SLC39A13: variants seen among roughly 807,000 people sequenced by gnomAD.
The protein encoded by SLC39A13 is zinc transporter ZIP13.
Under a neutral mutation model 38.7 loss-of-function variants are expected in SLC39A13, and 18 were observed. That is an observed-to-expected ratio of 0.47 (90% CI 0.32 to 0.69). The LOEUF is 0.69. Ranked by LOEUF, SLC39A13 falls within the 30% of genes least tolerant of loss-of-function variation. SLC39A13 has a pLI of 0.03. For missense variants in SLC39A13, 395 were observed against 490.7 expected (o/e 0.80, Z 1.84); for synonymous variants, 212 against 219.1 (o/e 0.97, Z 0.29).
chr11:47,412,079 A>T (rs775929380), intron 3 of SLC39A13, 40 bp downstream of exon 3: 35 of 1,572,212 alleles, frequency 2.2e-5, no homozygotes, highest in Non-Finnish European at 2.9e-5. Context: ...CAGTGCCAGG[A>T]GTGGGGGCCT....
Position 47,415,633 on chromosome 11 carries a change from C to A in SLC39A13, c.*270C>A. 5 of 583,826 alleles carry A rather than the reference C, an allele frequency of 8.6e-6. No individual in the cohort carries two copies. The highest frequency in any genetic ancestry group is 1.6e-5 in the Non-Finnish European group (5 of 319,116). The allele number at this position is 583,826 out of a possible 1,614,324, so 36.2% of individuals were successfully genotyped here. ...TGCTGTGGTTACCTCTCCTTGCCGC[C>A]CTGTCACCTTCACCTCCCGGAGTAA... On this transcript the variant is annotated 3_prime_UTR_variant, in exon 10 of 10. Coordinates refer to ENST00000362021, the MANE Select transcript of SLC39A13 (RefSeq NM_001128225.3).
Position 47,415,265 on chromosome 11 carries a change from C to T in SLC39A13, c.1041-23C>T, listed in dbSNP as rs371833274. 76 of 1,613,712 alleles carry T rather than the reference C, an allele frequency of 4.7e-5. No homozygotes were observed. In the African/African-American group the frequency reaches 4.8e-4, roughly 10 times the overall value. ...CTGCTCCCCCTGCCCATGCCTCCAC[C>T]GTGAGCCGTTCCCTCCCCACAGGCG... On this transcript the variant is annotated intron_variant, in intron 9 of 9. Transcript: ENST00000362021.
chr11:47,410,261 G>C lies in SLC39A13; in HGVS notation c.167G>C (p.Trp56Ser), dbSNP rs747273189. 1 of 1,614,112 alleles carries C rather than the reference G, an allele frequency of 6.2e-7. No homozygotes were observed. Among genetic ancestry groups the C allele is most frequent in the Non-Finnish European group, 8.5e-7 (1 of 1,180,008 alleles). The change falls in exon 2 of 10, where the codon TGG (tryptophan) becomes TCG (serine). Residue 56 changes from tryptophan (W) to serine (S), a missense_variant. By Grantham distance (177) the Trp-to-Ser change is radical. Coordinates refer to ENST00000362021, the MANE Select transcript of SLC39A13 (RefSeq NM_001128225.3). ...CRLDNKESES[W>S]GALLSGERLD... Reference sequence around the variant, plus strand: ...CTGGACAACAAGGAAAGCGAGTCCTGGGGGGCTCTGCTGAGCGGAGAGCGG... The same window carrying C: ...CTGGACAACAAGGAAAGCGAGTCCTCGGGGGCTCTGCTGAGCGGAGAGCGG...
At chr11:47,414,563 C>A in intron 7 of SLC39A13, 88 bp downstream of exon 7, 1 of 1,552,474 alleles carries the variant, frequency 6.4e-7, no homozygotes, top group Non-Finnish European at 8.8e-7. Flanking sequence ...GGGTGTGGGG[C>A]TGGGCCTGTC....
chr11:47,412,495 A>G (rs1171880904), intron 4 of SLC39A13, 28 bp downstream of exon 4: 16 of 1,613,840 alleles, frequency 9.9e-6, no homozygotes, highest in African/African-American at 1.3e-5. Flanking sequence ...GGGCCTGGAT[A>G]TATCAGCCTC....
chr11:47,413,303 G>T, intron 4 of SLC39A13, 97 bp from the exon 5 acceptor site: 1 of 1,265,972 alleles, frequency 7.9e-7, no homozygotes. Context: ...ACTGCACCCA[G>T]CCCCCGTCTC....
chr11:47,414,730 A>G, intron 7 of SLC39A13, 47 bp from the exon 8 acceptor site: 1 of 1,600,640 alleles, frequency 6.2e-7, no homozygotes, highest in South Asian at 1.1e-5. Context: ...CACTCAGGGC[A>G]TCAGGCCCCG....
chr11:47,412,486 GGCCTGGATATATCA>G lies in SLC39A13; in HGVS notation c.537+24_537+37del. The G allele has an allele frequency of 6.2e-7, 1 of 1,614,010 alleles. No homozygotes were observed. The highest frequency in any genetic ancestry group is 1.1e-5 in the South Asian group (1 of 91,062). Reference sequence around the variant, plus strand: ...CAGCCAGGTGGGCCCCACACTCAAGGGCCTGGATATATCAGCCTCTGTTCTGTGGTAGTGCCCGG... The same window carrying G: ...CAGCCAGGTGGGCCCCACACTCAAGGGCCTCTGTTCTGTGGTAGTGCCCGG... On this transcript the variant is annotated intron_variant, in intron 4 of 9. Coordinates refer to ENST00000362021, the MANE Select transcript of SLC39A13 (RefSeq NM_001128225.3).
intron 6 of SLC39A13, 82 bp from the exon 7 acceptor site, chr11:47,414,343 G>A: frequency 1.3e-6 from 2 of 1,502,506 alleles, no homozygotes; most frequent in South Asian, 1.2e-5. Flanking sequence ...TCAGAGCAGA[G>A]TAAACCTCTG....
At chr11:47,415,220 GA>G in intron 9 of SLC39A13, 61 bp downstream of exon 9, 1 of 1,613,182 alleles carries the variant, frequency 6.2e-7, no homozygotes, top group Non-Finnish European at 8.5e-7. Flanking sequence ...GCTCAGGAGG[GA>G]AGGGCTCCTG....
At chr11:47,414,635 C>G in intron 7 of SLC39A13, 142 bp from the exon 8 acceptor site, 2 of 1,504,350 alleles carry the variant, frequency 1.3e-6, no homozygotes, top group Middle Eastern at 2.3e-4. Context: ...CAGCCTGCAG[C>G]TGCCATCTCT....
Position 47,413,454 on chromosome 11 carries a change from C to G in SLC39A13, c.592C>G (p.Leu198Val). Residue 198 changes from leucine (L) to valine (V), a missense_variant, in exon 5 of 10, where the codon CTG becomes GTG. Transcript: ENST00000362021. Reference protein sequence around the residue: ...AAAALNGGHCLAQPAAEPGLG... With the variant: ...AAAALNGGHCVAQPAAEPGLG... Reference sequence around the variant, plus strand: ...CGCCGCGCTCAATGGAGGCCACTGTCTGGCCCAGCCGGCTGCAGAGCCCGG... The same window carrying G: ...CGCCGCGCTCAATGGAGGCCACTGTGTGGCCCAGCCGGCTGCAGAGCCCGG... 1.2e-6 allele frequency: 2 copies of G among 1,614,102 alleles called. No individual in the cohort carries two copies. The highest frequency in any genetic ancestry group is 1.7e-6 in the Non-Finnish European group (2 of 1,179,982).
rs375548129 is a variant in SLC39A13 at position 47,414,482 on chromosome 11, G to A, written c.786+7G>A. On this transcript the variant is annotated splice_region_variant and intron_variant, in intron 7 of 9. Transcript: ENST00000362021. ...GCATGAGATCCCCCATGAGGTGAGC[G>A]CTTGTAGGGCAGCCCCCAGGGGCCC... The A allele has an allele frequency of 8.7e-5, 141 of 1,611,670 alleles. No individual in the cohort carries two copies. The highest frequency in any genetic ancestry group is 1.1e-4 in the Non-Finnish European group (135 of 1,179,194).
At chr11:47,410,537 G>A in intron 2 of SLC39A13, 142 bp downstream of exon 2, 2 of 1,189,910 alleles carry the variant, frequency 1.7e-6, no homozygotes, top group Non-Finnish European at 2.4e-6. Flanking sequence ...TCCTGTAGGA[G>A]CTATCTAGCC....
intron 4 of SLC39A13, among the ~76,000 whole-genome samples, chr11:47,413,053 G>A (rs1038397478): frequency 2.0e-5 from 3 of 151,484 alleles, no homozygotes; most frequent in Non-Finnish European, 2.9e-5. Flanking sequence ...GAAGAGTCTC[G>A]CTCTGTCACC....
chr11:47,413,883 G>T (rs776092994), intron 6 of SLC39A13, 197 bp downstream of exon 6: 1 of 736,448 alleles, frequency 1.4e-6, no homozygotes, highest in Non-Finnish European at 2.4e-6. Context: ...CCTGTTCCCA[G>T]TACTCCTTGT....
Position 47,415,328 on chromosome 11 carries a change from G to C in SLC39A13, c.1081G>C (p.Val361Leu), listed in dbSNP as rs780145525. ...QQLLLLCAGI[V>L]VMVLFSLFVD ...GCTGCTTCTGCTCTGTGCGGGCATC[G>C]TGGTAATGGTGCTGTTCTCGCTCTT... Residue 361 changes from valine (V) to leucine (L), a missense_variant, in exon 10 of 10, where the codon GTG becomes CTG. Transcript: ENST00000362021. 3 of 1,614,074 alleles carry C rather than the reference G, an allele frequency of 1.9e-6. No individual in the cohort carries two copies. The highest frequency in any genetic ancestry group is 1.7e-6 in the Non-Finnish European group (2 of 1,180,014).
intron 3 of SLC39A13, 60 bp from the exon 4 acceptor site, chr11:47,412,286 C>G: frequency 1.3e-6 from 2 of 1,568,940 alleles, no homozygotes; most frequent in Non-Finnish European, 1.7e-6. Flanking sequence ...CCAAATGGCC[C>G]CCTCCTATGG....
At position 47,415,639 on chromosome 11, in the gene SLC39A13, A is replaced by G. The variant is rs1473825403; in HGVS notation, c.*276A>G. On this transcript the variant is annotated 3_prime_UTR_variant, in exon 10 of 10. Coordinates refer to ENST00000362021, the MANE Select transcript of SLC39A13 (RefSeq NM_001128225.3). ...GGTTACCTCTCCTTGCCGCCCTGTC[A>G]CCTTCACCTCCCGGAGTAAGCAGCG... 5.2e-6 allele frequency: 3 copies of G among 575,714 alleles called. No homozygotes were observed. The highest frequency in any genetic ancestry group is 6.2e-5 in the East Asian group (2 of 32,240). The allele number at this position is 575,714 out of a possible 1,614,324, so 35.7% of individuals were successfully genotyped here. A position where few individuals can be genotyped will look rare whatever the true frequency, so the allele number is the denominator to read the frequency against.
Sources: allele counts gnomAD v4.1 joint callset (sites outside exome capture counted in the v4.1 genomes callset), GRCh38; gene constraint gnomAD v4.1.1; transcripts MANE v1.5; gene names NCBI Gene and HGNC (gene_info 2026-07-23, HGNC 2026-07-21).